The following RCL1 variants were observed in gnomAD, a reference collection of about 807,000 sequenced individuals.
RCL1 encodes RNA 3'-terminal phosphate cyclase-like protein.
In RCL1, 24 loss-of-function variants were observed where a neutral mutation model predicts 42.4. The observed-to-expected ratio is 0.57, with a 90% confidence interval of 0.41 to 0.80. RCL1 has a LOEUF of 0.80. RCL1 is among the 30% of genes least tolerant of loss of function. The pLI is 0.00. For missense variants in RCL1, 578 were observed against 467.9 expected (o/e 1.24, Z -2.17); for synonymous variants, 228 against 177.3 (o/e 1.29, Z -2.27).
chr9:4,827,249 T>A (rs1451918500), intron 3 of RCL1: 62 of 1,478,328 alleles, frequency 4.2e-5, no homozygotes, highest in Non-Finnish European at 5.3e-5. Context: ...GTTACCAAGG[T>A]GCCTTTTGTT....
intron 1 of RCL1, among the ~76,000 whole-genome samples, chr9:4,814,073 A>T (rs1190231086): frequency 6.6e-6 from 1 of 152,062 alleles, no homozygotes; most frequent in African/African-American, 2.4e-5. Flanking sequence ...TGGGTGCAGC[A>T]CACCAGCATG....
intron 1 of RCL1, among the ~76,000 whole-genome samples, chr9:4,819,887 C>A (rs754075960): frequency 1.3e-5 from 2 of 152,084 alleles, no homozygotes; most frequent in African/African-American, 2.4e-5. Flanking sequence ...ACACTTGTGC[C>A]CACCAAATTT....
At chr9:4,844,778 A>G in intron 7 of RCL1, 97 bp downstream of exon 7, 1 of 1,252,702 alleles carries the variant, frequency 8.0e-7, no homozygotes, top group South Asian at 1.4e-5. Context: ...CCAAGGGCTC[A>G]AGCCAAGGAG....
intron 1 of RCL1, among the ~76,000 whole-genome samples, chr9:4,822,583 T>A (rs868301880): frequency 6.6e-6 from 1 of 152,118 alleles, no homozygotes; most frequent in Admixed American, 6.5e-5. Flanking sequence ...TTTGGGAGGC[T>A]GAGGTGGGAG....
intron 1 of RCL1, among the ~76,000 whole-genome samples, chr9:4,813,792 T>C (rs1816267793): frequency 2.0e-5 from 3 of 152,202 alleles, no homozygotes; most frequent in African/African-American, 7.2e-5. Context: ...CCAACCCAAA[T>C]GTCCATCAGT....
chr9:4,815,795 T>C (rs1282774785), intron 1 of RCL1, among the ~76,000 whole-genome samples: 1 of 152,152 alleles, frequency 6.6e-6, no homozygotes, highest in Non-Finnish European at 1.5e-5. Context: ...CCAGGCAGCT[T>C]AGGCCTATGA....
chr9:4,828,006 G>A (rs911843191), intron 3 of RCL1, among the ~76,000 whole-genome samples: 1 of 151,988 alleles, frequency 6.6e-6, no homozygotes, highest in African/African-American at 2.4e-5. Flanking sequence ...CTAACACAGT[G>A]AAACCCCGTC....
intron 1 of RCL1, chr9:4,804,770 C>T (rs1022969380): frequency 1.1e-5 from 2 of 181,998 alleles, no homozygotes; most frequent in Non-Finnish European, 2.4e-5. Context: ...CTGACTCCTG[C>T]CGGAGCAGCG....
chr9:4,843,032 G>A (rs1024234490), intron 6 of RCL1, among the ~76,000 whole-genome samples: 2 of 152,142 alleles, frequency 1.3e-5, no homozygotes, highest in African/African-American at 4.8e-5. Flanking sequence ...ATAAAGACAT[G>A]GACATGATGT....
chr9:4,797,103 T>G (rs1842925332), intron 1 of RCL1, among the ~76,000 whole-genome samples: 1 of 152,216 alleles, frequency 6.6e-6, no homozygotes, highest in South Asian at 2.1e-4. Flanking sequence ...CCTTTCGCTA[T>G]TAGCTCTTGG....
In RCL1 at chr9:4,841,252, C is replaced by T; in HGVS notation, c.605C>T (p.Pro202Leu). ...RGMAYSVRVS[P>L]QMANRIVDSA... is the part of the protein sequence containing the mutation. ...TGCAGGTACTCTGTACGTGTGTCAC[C>T]TCAGATGGCGAACCGGATTGTGGAT... Residue 202 changes from proline to leucine, a missense_variant, in exon 6 of 9, where the codon CCT (proline) becomes CTT (leucine). Pro to Leu is a moderately conservative substitution (Grantham distance 98, BLOSUM62 -3). Transcript: ENST00000381750. 6.2e-7 allele frequency: 1 copy of T among 1,613,876 alleles called. No homozygotes were observed. The highest frequency in any genetic ancestry group is 8.5e-7 in the Non-Finnish European group (1 of 1,179,834).
At chr9:4,812,854 T>C (rs1424627224) in intron 1 of RCL1, among the ~76,000 whole-genome samples, 1 of 152,184 alleles carries the variant, frequency 6.6e-6, no homozygotes, top group African/African-American at 2.4e-5. Context: ...GATTGCTTAT[T>C]GATTTCTTTT....
chr9:4,834,094 C>A, intron 4 of RCL1, 47 bp from the exon 5 acceptor site: 1 of 1,592,528 alleles, frequency 6.3e-7, no homozygotes, highest in Non-Finnish European at 8.6e-7. Context: ...CAGGGTAATC[C>A]ATTGCTTTGC....
At chr9:4,858,677 T>C (rs535741551) in intron 8 of RCL1, among the ~76,000 whole-genome samples, 1 of 152,330 alleles carries the variant, frequency 6.6e-6, no homozygotes, top group African/African-American at 2.4e-5. Context: ...TGACTCTCAA[T>C]TCTCTTCCAT....
chr9:4,832,611 C>T (rs1246959185), intron 3 of RCL1, among the ~76,000 whole-genome samples: 1 of 151,764 alleles, frequency 6.6e-6, no homozygotes, highest in Non-Finnish European at 1.5e-5. Context: ...AGATTGAGAC[C>T]ATCCTGGCCA....
intron 2 of RCL1, among the ~76,000 whole-genome samples, chr9:4,825,421 C>T (rs1245550121): frequency 6.6e-6 from 1 of 152,070 alleles, no homozygotes; most frequent in Admixed American, 6.5e-5. Flanking sequence ...GGTTTTGTGG[C>T]CCTTACAACT....
chr9:4,793,170 G>A lies in RCL1; in HGVS notation c.79G>A (p.Gly27Arg), dbSNP rs769268289. The A allele has an allele frequency of 5.0e-6, 8 of 1,611,634 alleles. No individual in the cohort carries two copies. The highest frequency in any genetic ancestry group is 1.7e-4 in the Middle Eastern group (1 of 6,054). ...ACGTCTGGTCCTGTCTACCCTGAGCGGGCGCCCCGTCAAAATCCGAAAGAT... is the reference window on the plus strand; with the variant it reads ...ACGTCTGGTCCTGTCTACCCTGAGCAGGCGCCCCGTCAAAATCCGAAAGAT... ...RQRLVLSTLSGRPVKIRKIRA... is the reference protein window; with the variant it reads ...RQRLVLSTLSRRPVKIRKIRA... The change falls in exon 1 of 9, where the codon GGG (glycine) becomes AGG (arginine). Residue 27 changes from glycine to arginine, a missense_variant. Physicochemically the swap from Gly to Arg is moderately radical, Grantham distance 125. Transcript: ENST00000381750.
At chr9:4,855,999 G>T (rs759986340) in intron 8 of RCL1, among the ~76,000 whole-genome samples, 15 of 152,156 alleles carry the variant, frequency 9.9e-5, no homozygotes, top group Non-Finnish European at 1.9e-4. Flanking sequence ...GAGTGATTCA[G>T]AGTGAAGTAG....
Position 4,827,734 on chromosome 9 carries a change from G to A in RCL1, c.384+701G>A, listed in dbSNP as rs1329314140. 1.1e-4 allele frequency among the ~76,000 whole-genome samples: 4 copies of A among 34,928 alleles called. No individual in the cohort carries two copies. In the Admixed American group the frequency reaches 1.6e-3, roughly 14 times the overall value. 22.9% of individuals were successfully genotyped at this position (34,928 alleles called of 152,430 possible). A position where few individuals can be genotyped will look rare whatever the true frequency, so the allele number is the denominator to read the frequency against. ...TCTTAATGCCATTCTAGGATGAAGT[G>A]TGTGTGTGTGTGTGTGTGTGTGCAC... On this transcript the variant is annotated intron_variant, in intron 3 of 8. Transcript: ENST00000381750.
Sources: allele counts gnomAD v4.1 joint callset (sites outside exome capture counted in the v4.1 genomes callset), GRCh38; gene constraint gnomAD v4.1.1; transcripts MANE v1.5; gene names NCBI Gene and HGNC (gene_info 2026-07-23, HGNC 2026-07-21).